JADE3: variants seen among roughly 807,000 people sequenced by gnomAD.
JADE3 encodes the protein protein Jade-3.
Under a neutral mutation model 50.1 loss-of-function variants are expected in JADE3, and 2 were observed. That is an observed-to-expected ratio of 0.04 (90% CI 0.02 to 0.13). The LOEUF (loss-of-function observed/expected upper bound fraction) is 0.13. Among genes scored for constraint, JADE3 ranks in the 10% least tolerant of loss-of-function variants. The pLI, the probability that JADE3 is intolerant of heterozygous loss-of-function variation, is 1.00. For synonymous variants in JADE3, 218 were observed against 232.9 expected (o/e 0.94, Z 0.58); for missense variants, 475 against 634.4 (o/e 0.75, Z 2.70).
chrX:46,924,406 G>A (rs782667680), intron 1 of JADE3, among the ~76,000 whole-genome samples: 20 of 112,347 alleles, frequency 1.8e-4, no homozygotes, highest in Admixed American at 1.7e-3. Flanking sequence ...CATATATTGG[G>A]ATTGTGGGAC....
intron 1 of JADE3, among the ~76,000 whole-genome samples, chrX:46,957,213 TTAGA>T (rs61650300): frequency 0.027 from 2,674 of 98,554 alleles, 63 homozygotes; most frequent in Admixed American, 0.094. Flanking sequence ...TTCAGATAGA[TTAGA>T]TAGATAGATA....
intron 1 of JADE3, among the ~76,000 whole-genome samples, chrX:46,929,758 C>T (rs1361010378): frequency 8.9e-6 from 1 of 111,965 alleles, no homozygotes; most frequent in Non-Finnish European, 1.9e-5. Flanking sequence ...GCCACTCTGT[C>T]CAAGCATGTA....
intron 1 of JADE3, among the ~76,000 whole-genome samples, chrX:46,946,805 C>A (rs1302488463): frequency 2.7e-5 from 3 of 111,629 alleles, no homozygotes; most frequent in Non-Finnish European, 5.7e-5. Flanking sequence ...CAAATCAGGG[C>A]TTTTTCTCCC....
intron 1 of JADE3, among the ~76,000 whole-genome samples, chrX:46,919,352 C>T (rs782302509): frequency 5.3e-4 from 59 of 112,231 alleles, no homozygotes; most frequent in Non-Finnish European, 1.0e-3. Flanking sequence ...GGAACCACCA[C>T]CACTTAAGAG....
chrX:46,971,176 C>T (rs1927476735), intron 1 of JADE3, among the ~76,000 whole-genome samples: 2 of 92,623 alleles, frequency 2.2e-5, no homozygotes, highest in Non-Finnish European at 4.1e-5. Flanking sequence ...AGTGCAATGG[C>T]GCGATCTCGG....
intron 1 of JADE3, among the ~76,000 whole-genome samples, chrX:46,920,682 T>C (rs1276058372): frequency 8.9e-6 from 1 of 112,766 alleles, no homozygotes; most frequent in Non-Finnish European, 1.9e-5. Flanking sequence ...ATTCCACGTA[T>C]GGATGTCTAG....
chrX:47,013,386 T>C (rs782662183), intron 4 of JADE3, among the ~76,000 whole-genome samples: 18 of 112,236 alleles, frequency 1.6e-4, no homozygotes, highest in African/African-American at 5.8e-4. Flanking sequence ...TAGTTTGAGA[T>C]GCTAATTTCT....
intron 3 of JADE3, among the ~76,000 whole-genome samples, chrX:46,987,916 T>TTA (rs782347441): frequency 8.9e-6 from 1 of 112,279 alleles, no homozygotes; most frequent in South Asian, 3.7e-4. Flanking sequence ...GAAAACCTGG[T>TTA]GATATTGTAG....
chrX:46,945,325 C>T (rs782562209), intron 1 of JADE3, among the ~76,000 whole-genome samples: 1 of 110,931 alleles, frequency 9.0e-6, no homozygotes, highest in East Asian at 2.8e-4. Context: ...CCATTTTGCC[C>T]TGGAGGTATC....
intron 3 of JADE3, among the ~76,000 whole-genome samples, chrX:46,994,853 G>A (rs1483208219): frequency 9.0e-6 from 1 of 111,416 alleles, no homozygotes; most frequent in Non-Finnish European, 1.9e-5. Context: ...ACTGTGCTAA[G>A]TCCTTTATAC....
intron 1 of JADE3, among the ~76,000 whole-genome samples, chrX:46,979,789 C>T (rs1297226107): frequency 9.1e-6 from 1 of 109,864 alleles, no homozygotes; most frequent in Non-Finnish European, 1.9e-5. Flanking sequence ...TTTTAACTGG[C>T]ATTTCCCTAA....
At chrX:46,924,732 C>T in intron 1 of JADE3, among the ~76,000 whole-genome samples, 1 of 112,078 alleles carries the variant, frequency 8.9e-6, no homozygotes, top group East Asian at 2.8e-4. Flanking sequence ...TCCTCTATAC[C>T]ACTTAAACAT....
chrX:46,945,760 T>C (rs1556343252), intron 1 of JADE3, among the ~76,000 whole-genome samples: 1 of 111,902 alleles, frequency 8.9e-6, no homozygotes, highest in Non-Finnish European at 1.9e-5. Context: ...CACAGTTTTA[T>C]GAATTACTGC....
At chrX:46,921,241 T>C (rs1002202985) in intron 1 of JADE3, among the ~76,000 whole-genome samples, 2 of 112,015 alleles carry the variant, frequency 1.8e-5, no homozygotes. Context: ...TATGCCCACC[T>C]ATTTTTAAAT....
intron 1 of JADE3, among the ~76,000 whole-genome samples, chrX:46,954,807 G>T (rs1048289458): frequency 8.9e-6 from 1 of 111,817 alleles, no homozygotes; most frequent in African/African-American, 3.2e-5. Flanking sequence ...TGCCCACCTT[G>T]GCCTCCCAAA....
intron 4 of JADE3, among the ~76,000 whole-genome samples, chrX:47,016,956 A>G (rs782442374): frequency 5.4e-5 from 6 of 112,075 alleles, no homozygotes; most frequent in African/African-American, 1.9e-4. Context: ...CTTATTTCCT[A>G]ATGGACTTAG....
intron 1 of JADE3, among the ~76,000 whole-genome samples, chrX:46,950,017 A>G (rs1263384844): frequency 1.8e-5 from 2 of 111,839 alleles, no homozygotes; most frequent in Non-Finnish European, 3.8e-5. Context: ...AAAGAAACAA[A>G]CTATTCATAA....
At chrX:46,963,572 T>C (rs890463860) in intron 1 of JADE3, among the ~76,000 whole-genome samples, 1 of 112,326 alleles carries the variant, frequency 8.9e-6, no homozygotes, top group African/African-American at 3.2e-5. Context: ...TTGGGCTGGG[T>C]TCAGCTGAGC....
chrX:46,956,883 A>G (rs1927135854), intron 1 of JADE3, among the ~76,000 whole-genome samples: 1 of 99,007 alleles, frequency 1.0e-5, no homozygotes, highest in Non-Finnish European at 2.0e-5. Flanking sequence ...GTGCAGTGGC[A>G]TGATCTCGGC....
Sources: allele counts gnomAD v4.1 joint callset (sites outside exome capture counted in the v4.1 genomes callset), GRCh38; gene constraint gnomAD v4.1.1; transcripts MANE v1.5; gene names NCBI Gene and HGNC (gene_info 2026-07-23, HGNC 2026-07-21).